Variants in NRXN3 observed in about 807,000 individuals in gnomAD.
NRXN3 encodes neurexin III.
NRXN3 carries 32 observed loss-of-function variants against 137.6 expected under a neutral mutation model. The ratio of observed to expected loss-of-function variants is 0.23; its 90% CI spans 0.18 to 0.31. The LOEUF is 0.31. Ranked by LOEUF, NRXN3 falls within the 10% of genes least tolerant of loss-of-function variation. NRXN3 has a pLI of 1.00. For synonymous variants in NRXN3, 798 were observed against 784.5 expected (o/e 1.02, Z -0.29); for missense variants, 1,574 against 2,062.5 (o/e 0.76, Z 4.59).
At chr14:79,342,575 A>T (rs1165589506) in intron 15 of NRXN3, among the ~76,000 whole-genome samples, 1 of 151,710 alleles carries the variant, frequency 6.6e-6, no homozygotes, top group African/African-American at 2.4e-5. Context: ...GCACCTTGGG[A>T]TATAAAATTT....
chr14:79,396,759 A>G (rs1455129179), intron 15 of NRXN3, among the ~76,000 whole-genome samples: 1 of 152,200 alleles, frequency 6.6e-6, no homozygotes, highest in Non-Finnish European at 1.5e-5. Flanking sequence ...GTCAATATCA[A>G]TGATTAATGT....
At chr14:79,620,070 T>C (rs956908340) in intron 16 of NRXN3, among the ~76,000 whole-genome samples, 1 of 152,082 alleles carries the variant, frequency 6.6e-6, no homozygotes, top group Non-Finnish European at 1.5e-5. Context: ...TTTACAAAGT[T>C]AGCTTGGCAT....
At chr14:79,387,362 T>A (rs1199733850) in intron 15 of NRXN3, among the ~76,000 whole-genome samples, 3 of 152,176 alleles carry the variant, frequency 2.0e-5, no homozygotes, top group Non-Finnish European at 4.4e-5. Context: ...ATGCTCATCA[T>A]CACTGGCCAT....
intron 15 of NRXN3, among the ~76,000 whole-genome samples, chr14:79,025,707 G>T (rs773680389): frequency 6.6e-6 from 1 of 152,080 alleles, no homozygotes; most frequent in African/African-American, 2.4e-5. Context: ...GCCCCTTACT[G>T]AAAATGGATT....
At chr14:78,632,508 T>G (rs766853385) in intron 4 of NRXN3, among the ~76,000 whole-genome samples, 2 of 152,184 alleles carry the variant, frequency 1.3e-5, no homozygotes, top group Non-Finnish European at 2.9e-5. Flanking sequence ...GGAAGCAGCA[T>G]GATCTAATGG....
At chr14:79,113,000 T>G (rs2053810575) in intron 15 of NRXN3, among the ~76,000 whole-genome samples, 1 of 152,200 alleles carries the variant, frequency 6.6e-6, no homozygotes, top group African/African-American at 2.4e-5. Context: ...ACATGAGTTG[T>G]TCACAGTAGA....
intron 4 of NRXN3, among the ~76,000 whole-genome samples, chr14:78,362,904 G>A (rs913492400): frequency 2.6e-5 from 4 of 152,246 alleles, no homozygotes; most frequent in Non-Finnish European, 5.9e-5. Context: ...AATATAAGGT[G>A]TGGAGAGCCA....
At chr14:78,511,711 G>A (rs2096111809) in intron 4 of NRXN3, among the ~76,000 whole-genome samples, 1 of 152,094 alleles carries the variant, frequency 6.6e-6, no homozygotes, top group Admixed American at 6.5e-5. Flanking sequence ...AGGTAAAATC[G>A]ACAGATTTCC....
intron 4 of NRXN3, among the ~76,000 whole-genome samples, chr14:78,444,097 T>TTGATCACATC (rs2094341855): frequency 6.6e-6 from 1 of 152,210 alleles, no homozygotes; most frequent in Admixed American, 6.5e-5. Flanking sequence ...AGTTAGGGCT[T>TTGATCACATC]AAATAGAAGT....
chr14:78,660,652 C>T (rs2097831799), intron 6 of NRXN3, among the ~76,000 whole-genome samples: 1 of 152,108 alleles, frequency 6.6e-6, no homozygotes, highest in Admixed American at 6.5e-5. Flanking sequence ...AAATCAGAGC[C>T]AAAAGATGGG....
intron 6 of NRXN3, among the ~76,000 whole-genome samples, chr14:78,687,558 T>C (rs2098134950): frequency 1.3e-5 from 2 of 152,244 alleles, no homozygotes; most frequent in African/African-American, 4.8e-5. Context: ...GGCAACAAAC[T>C]GTTCCAAAAT....
chr14:79,153,691 A>G (rs2059999346), intron 15 of NRXN3, among the ~76,000 whole-genome samples: 1 of 151,804 alleles, frequency 6.6e-6, no homozygotes, highest in Non-Finnish European at 1.5e-5. Flanking sequence ...TCCTGAGTAG[A>G]CCTCTTTTTT....
intron 4 of NRXN3, among the ~76,000 whole-genome samples, chr14:78,517,126 T>G (rs762669621): frequency 1.2e-4 from 18 of 152,298 alleles, no homozygotes; most frequent in Non-Finnish European, 2.2e-4. Context: ...TTTTTTCACT[T>G]TATTTTATTT....
At chr14:78,641,637 A>G (rs141314515) in intron 4 of NRXN3, among the ~76,000 whole-genome samples, 2 of 152,342 alleles carry the variant, frequency 1.3e-5, no homozygotes, top group African/African-American at 4.8e-5. Flanking sequence ...AATGGAGGAG[A>G]TATCCCAACA....
intron 19 of NRXN3, among the ~76,000 whole-genome samples, chr14:79,755,904 C>T (rs908767804): frequency 6.6e-6 from 1 of 152,134 alleles, no homozygotes; most frequent in African/African-American, 2.4e-5. Context: ...CACATTTAAG[C>T]TTTACTTAAC....
At chr14:78,639,449 CT>C (rs1194093511) in intron 4 of NRXN3, among the ~76,000 whole-genome samples, 4 of 152,198 alleles carry the variant, frequency 2.6e-5, no homozygotes, top group African/African-American at 9.7e-5. Context: ...TTAACGGGCT[CT>C]TCTAAGTATC....
chr14:78,797,966 A>G (rs1001970833), intron 8 of NRXN3, among the ~76,000 whole-genome samples: 1 of 152,192 alleles, frequency 6.6e-6, no homozygotes, highest in Admixed American at 6.5e-5. Context: ...TCCCTCCCAC[A>G]GATGCGGGAA....
intron 15 of NRXN3, among the ~76,000 whole-genome samples, chr14:79,462,860 G>GT (rs33981352): frequency 0.49 from 51,466 of 105,670 alleles, 10,580 homozygotes; most frequent in Admixed American, 0.54. Context: ...CATACACAAT[G>GT]AATGTATATG....
intron 16 of NRXN3, among the ~76,000 whole-genome samples, chr14:79,507,008 C>G (rs1188093711): frequency 6.6e-6 from 1 of 152,064 alleles, no homozygotes; most frequent in East Asian, 1.9e-4. Flanking sequence ...TGCAGTCCCA[C>G]AGATATTAAA....
Sources: allele counts gnomAD v4.1 joint callset (sites outside exome capture counted in the v4.1 genomes callset), GRCh38; gene constraint gnomAD v4.1.1; transcripts MANE v1.5; gene names NCBI Gene and HGNC (gene_info 2026-07-23, HGNC 2026-07-21).